PRKAR1B: variants seen among roughly 807,000 people sequenced by gnomAD.
PRKAR1B encodes the protein cAMP-dependent protein kinase type I-beta regulatory subunit.
A neutral mutation model predicts 46.5 loss-of-function variants in PRKAR1B; 22 were observed. That is an observed-to-expected ratio of 0.47 (90% confidence interval 0.34 to 0.68). The LOEUF (loss-of-function observed/expected upper bound fraction) is 0.68, where lower values mean the gene tolerates loss of function less well. PRKAR1B is among the 30% of genes least tolerant of loss of function. The pLI, the probability that PRKAR1B is intolerant of heterozygous loss-of-function variation, is 0.01. For missense variants in PRKAR1B, 445 were observed against 535.6 expected, an observed-to-expected ratio of 0.83 and a Z score of 1.67; for synonymous variants, 259 against 217.7, an observed-to-expected ratio of 1.19 and a Z score of -1.67.
intron 7 of PRKAR1B, 69 bp downstream of exon 7, chr7:596,077 G>A: frequency 6.4e-7 from 1 of 1,562,098 alleles, no homozygotes; most frequent in East Asian, 2.3e-5. Context: ...CTTGAATAGA[G>A]CTAGGGTTCC....
chr7:618,706 C>T (rs1437463154), intron 4 of PRKAR1B, among the ~76,000 whole-genome samples: 3 of 152,180 alleles, frequency 2.0e-5, no homozygotes, highest in Non-Finnish European at 1.5e-5. Context: ...TGTGTTTCCT[C>T]TTCTGTAAAC....
intron 4 of PRKAR1B, among the ~76,000 whole-genome samples, chr7:639,968 G>T (rs1271876050): frequency 1.3e-5 from 2 of 151,890 alleles, no homozygotes; most frequent in Non-Finnish European, 1.5e-5. Context: ...TTTGAGACCA[G>T]CCTGGCCAAC....
intron 8 of PRKAR1B, among the ~76,000 whole-genome samples, chr7:582,207 T>C (rs1780225952): frequency 6.6e-6 from 1 of 152,258 alleles, no homozygotes; most frequent in Non-Finnish European, 1.5e-5. Flanking sequence ...TTCTGCAGAC[T>C]TGCAGCTCCC....
At chr7:651,266 T>C (rs1297715681) in intron 4 of PRKAR1B, among the ~76,000 whole-genome samples, 1 of 152,194 alleles carries the variant, frequency 6.6e-6, no homozygotes, top group Non-Finnish European at 1.5e-5. Flanking sequence ...AACCAGGCTG[T>C]GCATGTAGCA....
At chr7:653,794 G>C (rs1276565852) in intron 4 of PRKAR1B, among the ~76,000 whole-genome samples, 1 of 152,038 alleles carries the variant, frequency 6.6e-6, no homozygotes, top group Non-Finnish European at 1.5e-5. Context: ...CACTTAATGT[G>C]GTGTTATAAC....
chr7:644,253 G>C lies in PRKAR1B; in HGVS notation c.440+32976C>G, dbSNP rs573251898. On this transcript the variant is annotated intron_variant, in intron 4 of 10. Transcript: ENST00000537384. This position sits in a 1 kb window ranked among gnomAD's most constrained non-coding sequence, Gnocchi z 4.9. ...TTATAGAATGACTCCCCTGTTCAAG[G>C]CATCGTTGAAATGTCCGTGATGCTC... Among the ~76,000 whole-genome samples, 2 of 152,260 alleles carry C rather than the reference G, an allele frequency of 1.3e-5. No individual in the cohort carries two copies. The highest frequency in any genetic ancestry group is 2.9e-5 in the Non-Finnish European group (2 of 68,022).
chr7:671,807 GTTC>G (rs1786271313), intron 4 of PRKAR1B, among the ~76,000 whole-genome samples: 2 of 152,176 alleles, frequency 1.3e-5, no homozygotes, highest in South Asian at 4.1e-4. Flanking sequence ...CCTACCATGT[GTTC>G]ACCAGCTCTC....
Position 693,892 on chromosome 7 carries a change from C to T in PRKAR1B, c.178-13166G>A, listed in dbSNP as rs558115690. ...GCGCACAAGGGTTCCATGTCCCCCA[C>T]ACCCCCACAACATCCATCTTATGTT... On this transcript the variant is annotated intron_variant, in intron 2 of 10. Coordinates refer to ENST00000537384, the MANE Select transcript of PRKAR1B (RefSeq NM_001164760.2). Among the ~76,000 whole-genome samples, 14 of 152,360 alleles carry T rather than the reference C, an allele frequency of 9.2e-5. 1 individual carries two copies. The highest frequency in any genetic ancestry group is 9.1e-4 in the Admixed American group (14 of 15,306).
intron 7 of PRKAR1B, among the ~76,000 whole-genome samples, chr7:588,090 G>T (rs973048922): frequency 3.9e-5 from 6 of 152,124 alleles, no homozygotes; most frequent in African/African-American, 1.2e-4. Flanking sequence ...CTCCCAAGCC[G>T]CCCTCAGTGT....
intron 6 of PRKAR1B, among the ~76,000 whole-genome samples, chr7:597,423 G>A (rs577036930): frequency 2.0e-5 from 3 of 152,354 alleles, no homozygotes; most frequent in East Asian, 1.9e-4. Context: ...TCTGCCTGGC[G>A]GGGATGTGGG....
At chr7:697,370 G>A (rs575045731) in intron 2 of PRKAR1B, among the ~76,000 whole-genome samples, 3 of 152,242 alleles carry the variant, frequency 2.0e-5, no homozygotes, top group Non-Finnish European at 2.9e-5. Flanking sequence ...CCTGCGGCCC[G>A]GTTCTCGCTC....
intron 6 of PRKAR1B, among the ~76,000 whole-genome samples, chr7:596,877 C>T (rs569599281): frequency 2.4e-4 from 37 of 152,390 alleles, no homozygotes; most frequent in Middle Eastern, 3.4e-3. Context: ...GGGCCTCCCT[C>T]CCTACAGGCA....
intron 4 of PRKAR1B, among the ~76,000 whole-genome samples, chr7:621,998 G>A (rs189307776): frequency 3.1e-3 from 465 of 152,316 alleles, no homozygotes; most frequent in Non-Finnish European, 4.7e-3. Context: ...CAAATGGAGC[G>A]GCCCATGCCC....
intron 8 of PRKAR1B, among the ~76,000 whole-genome samples, chr7:581,098 T>C (rs1780156100): frequency 6.6e-6 from 1 of 151,958 alleles, no homozygotes; most frequent in Non-Finnish European, 1.5e-5. Context: ...GGTCAGGAGA[T>C]CGAGACCATC....
At chr7:594,042 C>T (rs545050118) in intron 7 of PRKAR1B, among the ~76,000 whole-genome samples, 88 of 152,260 alleles carry the variant, frequency 5.8e-4, no homozygotes, top group African/African-American at 1.8e-3. Context: ...AATCAGACGA[C>T]GCACTTCCAA....
chr7:621,513 G>T (rs997844450), intron 4 of PRKAR1B, among the ~76,000 whole-genome samples: 5 of 152,234 alleles, frequency 3.3e-5, no homozygotes, highest in African/African-American at 1.2e-4. Flanking sequence ...TTTGGAAGGA[G>T]CATGACCATC....
intron 4 of PRKAR1B, among the ~76,000 whole-genome samples, chr7:638,202 C>T (rs1484381882): frequency 6.6e-6 from 1 of 152,214 alleles, no homozygotes; most frequent in African/African-American, 2.4e-5. Context: ...CCTGTGAGCT[C>T]CTCGACTTGG....
At chr7:566,493 C>T (rs1165428359) in intron 9 of PRKAR1B, among the ~76,000 whole-genome samples, 1 of 143,168 alleles carries the variant, frequency 7.0e-6, no homozygotes, top group Non-Finnish European at 1.6e-5. Context: ...TCATCACTAT[C>T]ATCACCTTCA....
At chr7:652,858 A>T (rs1784984404) in intron 4 of PRKAR1B, among the ~76,000 whole-genome samples, 1 of 152,190 alleles carries the variant, frequency 6.6e-6, no homozygotes, top group Non-Finnish European at 1.5e-5. Context: ...TGACAAAAAA[A>T]TTCACTCTTC....
Sources: allele counts gnomAD v4.1 joint callset (sites outside exome capture counted in the v4.1 genomes callset), GRCh38; gene constraint gnomAD v4.1.1; non-coding constraint Gnocchi (gnomAD v3.1); transcripts MANE v1.5; gene names NCBI Gene and HGNC (gene_info 2026-07-23, HGNC 2026-07-21).